Variants in TOPORS observed in about 807,000 individuals in gnomAD.
TOPORS encodes the protein TOP1 binding arginine/serine rich protein, E3 ubiquitin ligase.
A neutral mutation model predicts 81.4 loss-of-function variants in TOPORS; 25 were observed. The ratio of observed to expected loss-of-function variants is 0.31; its 90% CI spans 0.22 to 0.43. The LOEUF (loss-of-function observed/expected upper bound fraction) is 0.43, where lower values mean the gene tolerates loss of function less well. Ranked by LOEUF, TOPORS falls within the 20% of genes least tolerant of loss-of-function variation. TOPORS has a pLI of 1.00. For missense variants in TOPORS, 1,101 were observed against 1,267.0 expected (o/e 0.87, Z 1.99); for synonymous variants, 473 against 456.6 (o/e 1.04, Z -0.46).
rs903642959 is a variant in TOPORS at position 32,542,014 on chromosome 9, T to C, written c.2511A>G (p.Lys837=). ...KSSSKLDGNY[K]NESDTFSDSR... is the part of the protein sequence containing the mutation. Reference sequence around the variant, plus strand: ...TGTCTGAAAAGGTATCACTCTCATTTTTGTAGTTTCCATCCAATTTTGATG... The same window carrying C: ...TGTCTGAAAAGGTATCACTCTCATTCTTGTAGTTTCCATCCAATTTTGATG... The change falls in exon 3 of 3, where the codon AAA becomes AAG. Residue 837 remains lysine, a synonymous_variant. Transcript: ENST00000360538. 3.1e-6 allele frequency: 5 copies of C among 1,614,008 alleles called. No individual in the cohort carries two copies. The African/African-American group carries it at 6.7e-5, about 22-fold the overall frequency.
chr9:32,543,490 A>C lies in TOPORS; in HGVS notation c.1035T>G (p.Leu345=), dbSNP rs777332662. Residue 345 remains leucine, a synonymous_variant, in exon 3 of 3, where the codon CTT becomes CTG. Transcript: ENST00000360538. The surrounding 1 kb of genome is among the most constrained non-coding windows in gnomAD (Gnocchi z 5.6). ...CATGTATAAAATGCTCAGTTCGATT[A>C]AGTAAAAATGGTCTTAAATCAGACA... ...AFVSDLRPFL[L]NRTEHFIHEF... 6.2e-7 allele frequency: 1 copy of C among 1,613,944 alleles called. No individual in the cohort carries two copies. The highest frequency in any genetic ancestry group is 8.5e-7 in the Non-Finnish European group (1 of 1,180,018).
rs200877916 is a variant in TOPORS, at chr9:32,543,228, C to T, written c.1297G>A (p.Val433Ile). ...PSYSSSEQVH[V>I]TMSSLLNTSD... The stretch of plus-strand genomic sequence containing the variant: ...GTATTTAAAAGAGAAGACATAGTAA[C>T]GTGTACCTGCTCTGAGCTTGAGTAA... The change falls in exon 3 of 3, where the codon GTT (valine) becomes ATT (isoleucine). Residue 433 changes from valine (V) to isoleucine (I), a missense_variant. Coordinates refer to ENST00000360538, the MANE Select transcript of TOPORS (RefSeq NM_005802.5). The surrounding 1 kb of genome is among the most constrained non-coding windows in gnomAD (Gnocchi z 5.6). 81 of 1,613,472 alleles carry T rather than the reference C, an allele frequency of 5.0e-5. No homozygotes were observed. Among genetic ancestry groups the T allele is most frequent in the Middle Eastern group, 1.6e-4 (1 of 6,084 alleles).
At chr9:32,550,707 C>T in intron 2 of TOPORS, 67 bp downstream of exon 2, 1 of 1,586,932 alleles carries the variant, frequency 6.3e-7, no homozygotes. Flanking sequence ...GGCGCCGCTC[C>T]AGGCGGGAGC....
In TOPORS at chr9:32,542,706, T is replaced by C. The variant is rs1363594788; in HGVS notation, c.1819A>G (p.Arg607Gly). 50 of 1,613,990 alleles carry C rather than the reference T, an allele frequency of 3.1e-5. No homozygotes were observed. Among genetic ancestry groups the C allele is most frequent in the Non-Finnish European group, 3.6e-5 (42 of 1,180,024 alleles). The change falls in exon 3 of 3, where the codon AGA (arginine) becomes GGA (glycine). Residue 607 changes from arginine to glycine, a missense_variant. Coordinates refer to ENST00000360538, the MANE Select transcript of TOPORS (RefSeq NM_005802.5). ...TGATTCTTCTGATCATGCCCACTTCTACTCTGAGAACGTGAATCTGAACTT... is the reference window on the plus strand; with the variant it reads ...TGATTCTTCTGATCATGCCCACTTCCACTCTGAGAACGTGAATCTGAACTT... ...SRSSDSRSQS[R>G]SGHDQKNHRK... is the part of the protein sequence containing the mutation.
intron 2 of TOPORS, among the ~76,000 whole-genome samples, chr9:32,549,494 A>G (rs559152180): frequency 9.2e-5 from 14 of 152,314 alleles, no homozygotes; most frequent in African/African-American, 3.1e-4. Context: ...CGTTTTCTCA[A>G]TTCTAAAATG....
rs1563988581 is a variant in TOPORS at position 32,552,417 on chromosome 9, T to A, written c.3+17A>T. ...GCAGCTCCCGCCAGCTCCCGCGGAC[T>A]GCTGCCGCCTCCTTACCATGAAGCC... On this transcript the variant is annotated intron_variant, in intron 1 of 2. Transcript: ENST00000360538. 3.7e-6 allele frequency: 6 copies of A among 1,609,190 alleles called. No individual in the cohort carries two copies. The highest frequency in any genetic ancestry group is 5.1e-6 in the Non-Finnish European group (6 of 1,178,272).
chr9:32,552,554 G>A lies in TOPORS; in HGVS notation c.-118C>T. The A allele has an allele frequency of 7.3e-7, 1 of 1,371,298 alleles. No individual in the cohort carries two copies. The highest frequency in any genetic ancestry group is 1.2e-5 in the South Asian group (1 of 80,732). 84.9% of individuals were successfully genotyped at this position (1,371,298 alleles called of 1,614,324 possible). On this transcript the variant is annotated 5_prime_UTR_variant, in exon 1 of 3. Transcript: ENST00000360538. ...CAGGCGGAAAGGCCCTATTTCTTCA[G>A]CACCCAGAAACTCCAAAATCCATTC...
chr9:32,546,144 A>T (rs1169895595), intron 2 of TOPORS, among the ~76,000 whole-genome samples: 1 of 152,170 alleles, frequency 6.6e-6, no homozygotes, highest in African/African-American at 2.4e-5. Context: ...AAATGCAAAA[A>T]CATCATCACT....
chr9:32,541,439 G>T lies in TOPORS; in HGVS notation c.3086C>A (p.Pro1029Gln). The change falls in exon 3 of 3, where the codon CCA becomes CAA. Residue 1029 changes from proline to glutamine, a missense_variant. Around this residue, in one of 9 missense-constraint regions of TOPORS, gnomAD observed 605 missense variants for 636.1 expected, o/e 0.95. Transcript: ENST00000360538. ...QTEPSRQLPS[P>Q]RTSLMSVCLG... ...ACATACTGACATTAATGATGTCCGT[G>T]GCGATGGCAATTGCCTTGATGGCTC... The T allele has an allele frequency of 4.3e-6, 7 of 1,614,160 alleles. No homozygotes were observed. Among genetic ancestry groups the T allele is most frequent in the African/African-American group, 1.3e-5 (1 of 75,038 alleles).
rs781177789 is a variant in TOPORS at position 32,542,150 on chromosome 9, G to A, written c.2375C>T (p.Pro792Leu). 3.7e-6 allele frequency: 6 copies of A among 1,614,108 alleles called. No homozygotes were observed. The highest frequency in any genetic ancestry group is 5.1e-6 in the Non-Finnish European group (6 of 1,180,018). Residue 792 changes from proline (P) to leucine (L), a missense_variant, in exon 3 of 3, where the codon CCT (proline) becomes CTT (leucine). Around this residue, in one of 9 missense-constraint regions of TOPORS, gnomAD observed 605 missense variants for 636.1 expected, o/e 0.95. Transcript: ENST00000360538. ...TGTTTTGTATTTTCGTTTCCCTCCA[G>A]GCTTTTCATTTCTCACCCGGTCAGT... is the stretch of plus-strand genomic sequence containing the variant. ...TGTDRVRNEKPGGKRKYKTRH... is the reference protein window; with the variant it reads ...TGTDRVRNEKLGGKRKYKTRH...
In TOPORS at chr9:32,541,225, A is replaced by T; in HGVS notation, c.*162T>A. The T allele has an allele frequency of 1.4e-6, 1 of 715,600 alleles. No individual in the cohort carries two copies. The highest frequency in any genetic ancestry group is 2.3e-6 in the Non-Finnish European group (1 of 443,074). The allele number at this position is 715,600 out of a possible 1,614,324, so 44.3% of individuals were successfully genotyped here. A position where few individuals can be genotyped will look rare whatever the true frequency, so the allele number is the denominator to read the frequency against. On this transcript the variant is annotated 3_prime_UTR_variant, in exon 3 of 3. Transcript: ENST00000360538. The stretch of plus-strand genomic sequence containing the variant: ...GGTGGGACATACATTTTGAACAAAT[A>T]ATGATTTTTACAAATTAACACCAAA...
At chr9:32,546,965 G>A (rs930355371) in intron 2 of TOPORS, among the ~76,000 whole-genome samples, 4 of 152,214 alleles carry the variant, frequency 2.6e-5, no homozygotes, top group Admixed American at 2.6e-4. Context: ...CTGAGCCTGG[G>A]AGGTCCAGGC....
At chr9:32,551,084 G>T in intron 1 of TOPORS, 116 bp from the exon 2 acceptor site, 2 of 1,255,484 alleles carry the variant, frequency 1.6e-6, no homozygotes, top group Non-Finnish European at 1.1e-6. Flanking sequence ...CGCATGCGCA[G>T]CAGATGGACG....
rs2118982138 is a variant in TOPORS, at chr9:32,551,046, C to G, written c.4-78G>C. 5 of 1,505,392 alleles carry G rather than the reference C, an allele frequency of 3.3e-6. No homozygotes were observed. The East Asian group carries it at 1.2e-4, about 35-fold the overall frequency. 93.3% of individuals were successfully genotyped at this position (1,505,392 alleles called of 1,614,324 possible). A position where few individuals can be genotyped will look rare whatever the true frequency, so the allele number is the denominator to read the frequency against. On this transcript the variant is annotated intron_variant, in intron 1 of 2. Coordinates refer to ENST00000360538, the MANE Select transcript of TOPORS (RefSeq NM_005802.5). ...CGAGACCCACCCCCCAGCTCCCGCG[C>G]ATCAAAACACAACACCCGCCTTCCT...
chr9:32,552,293 G>A (rs1303300055), intron 1 of TOPORS, 141 bp downstream of exon 1: 2 of 1,261,662 alleles, frequency 1.6e-6, no homozygotes, highest in Non-Finnish European at 2.3e-6. Context: ...AGAGGCCAGC[G>A]ACAGCGCTGC....
chr9:32,552,539 G>A lies in TOPORS; in HGVS notation c.-103C>T. 2 of 1,487,394 alleles carry A rather than the reference G, an allele frequency of 1.3e-6. No homozygotes were observed. Among genetic ancestry groups the A allele is most frequent in the Non-Finnish European group, 1.8e-6 (2 of 1,087,228 alleles). 92.1% of individuals were successfully genotyped at this position (1,487,394 alleles called of 1,614,324 possible). A position where few individuals can be genotyped will look rare whatever the true frequency, so the allele number is the denominator to read the frequency against. ...GACTCACTGGGCCCGCAGGCGGAAA[G>A]GCCCTATTTCTTCAGCACCCAGAAA... On this transcript the variant is annotated 5_prime_UTR_variant, in exon 1 of 3. Coordinates refer to ENST00000360538, the MANE Select transcript of TOPORS (RefSeq NM_005802.5).
At position 32,541,969 on chromosome 9, in the gene TOPORS, C is replaced by G. The variant is rs766819625; in HGVS notation, c.2556G>C (p.Glu852Asp). ...TCCTTTTTCTCCTTTTGTGTTTTGT[C>G]TCTCTGTCTGATGATCGGCTGTCTG... is the stretch of plus-strand genomic sequence containing the variant. ...TFSDSRSSDR[E>D]TKHKRRKRKT... Residue 852 changes from glutamate (E) to aspartate (D), a missense_variant, in exon 3 of 3, where the codon GAG (glutamate) becomes GAC (aspartate). Physicochemically the swap from Glu to Asp is conservative, Grantham distance 45. This residue lies in a region of TOPORS where 605 missense variants were observed against 636.1 expected (regional missense o/e 0.95). Transcript: ENST00000360538. The G allele has an allele frequency of 1.9e-6, 3 of 1,613,350 alleles. No individual in the cohort carries two copies. The highest frequency in any genetic ancestry group is 2.5e-6 in the Non-Finnish European group (3 of 1,179,902).
At position 32,550,713 on chromosome 9, in the gene TOPORS, G is replaced by A. The variant is rs374701501; in HGVS notation, c.198+61C>T. The stretch of plus-strand genomic sequence containing the variant: ...GGGTCCCGAGGCGCCGCTCCAGGCG[G>A]GAGCGCCAACTCCCACGGCCCTTCC... On this transcript the variant is annotated intron_variant, in intron 2 of 2. Coordinates refer to ENST00000360538, the MANE Select transcript of TOPORS (RefSeq NM_005802.5). 9.7e-4 allele frequency: 1,546 copies of A among 1,592,498 alleles called. 12 individuals are homozygous for A. The African/African-American group carries it at 0.018, about 19-fold the overall frequency.
rs1270353927 is a variant in TOPORS at position 32,543,554 on chromosome 9, C to A, written c.971G>T (p.Ser324Ile). 6.2e-7 allele frequency: 1 copy of A among 1,613,908 alleles called. No homozygotes were observed. The highest frequency in any genetic ancestry group is 2.2e-5 in the East Asian group (1 of 44,888). ...LVNIVQHIIM[S>I]NVTRYDLESQ... is the part of the protein sequence containing the mutation. Reference sequence around the variant, plus strand: ...CTCCAAGTCATAGCGAGTAACATTACTCATGATAATATGCTGGACAATATT... The same window carrying A: ...CTCCAAGTCATAGCGAGTAACATTAATCATGATAATATGCTGGACAATATT... The change falls in exon 3 of 3, where the codon AGT becomes ATT. Residue 324 changes from serine (S) to isoleucine (I), a missense_variant. Around this residue, in one of 9 missense-constraint regions of TOPORS, gnomAD observed 69 missense variants for 153.6 expected, o/e 0.45. Transcript: ENST00000360538. The surrounding 1 kb of genome is among the most constrained non-coding windows in gnomAD (Gnocchi z 5.6).
Sources: allele counts gnomAD v4.1 joint callset (sites outside exome capture counted in the v4.1 genomes callset), GRCh38; gene constraint gnomAD v4.1.1; regional missense constraint gnomAD v4.1.1; non-coding constraint Gnocchi (gnomAD v3.1); transcripts MANE v1.5; gene names NCBI Gene and HGNC (gene_info 2026-07-23, HGNC 2026-07-21).